The following TMEM132B variants were observed in gnomAD, a reference collection of about 807,000 sequenced individuals.
TMEM132B encodes the protein transmembrane protein 132B.
A neutral mutation model predicts 90.8 loss-of-function variants in TMEM132B; 18 were observed. The ratio of observed to expected loss-of-function variants is 0.20; its 90% CI spans 0.14 to 0.29. The LOEUF (loss-of-function observed/expected upper bound fraction) is 0.29, where lower values mean the gene tolerates loss of function less well. TMEM132B is among the 10% of genes least tolerant of loss of function. The pLI, the probability that TMEM132B is intolerant of heterozygous loss-of-function variation, is 1.00. For missense variants in TMEM132B, 1,096 were observed against 1,326.8 expected (o/e 0.83, Z 2.70); for synonymous variants, 504 against 523.3 (o/e 0.96, Z 0.50).
At chr12:125,597,605 G>T (rs1157336433) in intron 5 of TMEM132B, among the ~76,000 whole-genome samples, 1 of 152,102 alleles carries the variant, frequency 6.6e-6, no homozygotes, top group African/African-American at 2.4e-5. Context: ...ATTCATGAGT[G>T]ATTTTTTCAT....
chr12:125,598,753 C>T (rs1287639949), intron 5 of TMEM132B, among the ~76,000 whole-genome samples: 2 of 152,110 alleles, frequency 1.3e-5, no homozygotes, highest in African/African-American at 4.8e-5. Flanking sequence ...GAGCATTGCG[C>T]CTCAGAGTCT....
chr12:125,269,775 C>G (rs1016662479), intron 1 of TMEM132B, among the ~76,000 whole-genome samples: 1 of 152,108 alleles, frequency 6.6e-6, no homozygotes, highest in Non-Finnish European at 1.5e-5. Flanking sequence ...CTCTCATATA[C>G]AAGCGCAGAA....
At chr12:125,505,195 A>AAC (rs1183847146) in intron 3 of TMEM132B, among the ~76,000 whole-genome samples, 1 of 148,010 alleles carries the variant, frequency 6.8e-6, no homozygotes, top group East Asian at 1.9e-4. Context: ...AAAAAAAAAA[A>AAC]CAGTAAGTGG....
chr12:125,367,562 T>C (rs1878171557), intron 2 of TMEM132B, among the ~76,000 whole-genome samples: 1 of 152,196 alleles, frequency 6.6e-6, no homozygotes, highest in African/African-American at 2.4e-5. Flanking sequence ...TGTGGTTCCC[T>C]ACCTCCCAAT....
chr12:125,422,708 G>A (rs1880203296), intron 3 of TMEM132B, among the ~76,000 whole-genome samples: 1 of 152,178 alleles, frequency 6.6e-6, no homozygotes, highest in African/African-American at 2.4e-5. Context: ...AAACGGCCAC[G>A]TGGTGACAGA....
At chr12:125,211,390 T>C (rs1873314351) in intron 1 of TMEM132B, among the ~76,000 whole-genome samples, 1 of 152,190 alleles carries the variant, frequency 6.6e-6, no homozygotes, top group Non-Finnish European at 1.5e-5. Flanking sequence ...CTTTCTATCA[T>C]GTTATCTTCC....
At position 125,432,469 on chromosome 12, in the gene TMEM132B, ATG is replaced by A. The variant is rs1267791422; in HGVS notation, c.1106+16794_1106+16795del. 1.1e-3 allele frequency among the ~76,000 whole-genome samples: 102 copies of A among 95,408 alleles called. 15 individuals carry two copies. Among genetic ancestry groups the A allele is most frequent in the Admixed American group, 1.3e-3 (11 of 8,696 alleles). The allele number at this position is 95,408 out of a possible 152,430, so 62.6% of individuals were successfully genotyped here. ...TGTATATATATGTATGTGTATATAT[ATG>A]TATGTGTATATATATGTATGTGTAT... is the stretch of plus-strand genomic sequence containing the variant. On this transcript the variant is annotated intron_variant, in intron 3 of 8. Transcript: ENST00000682704.
At chr12:125,189,702 G>A (rs1469635883) in intron 1 of TMEM132B, among the ~76,000 whole-genome samples, 1 of 152,040 alleles carries the variant, frequency 6.6e-6, no homozygotes, top group East Asian at 1.9e-4. Flanking sequence ...AGTTGGGGAG[G>A]CGTGGGGCTT....
At chr12:125,194,266 G>GC (rs1555231219) in intron 1 of TMEM132B, among the ~76,000 whole-genome samples, 3 of 137,424 alleles carry the variant, frequency 2.2e-5, no homozygotes, top group East Asian at 2.6e-4. Context: ...GAATTAACCC[G>GC]TTGGTGGGGG....
chr12:125,444,954 C>A (rs1181079921), intron 3 of TMEM132B, among the ~76,000 whole-genome samples: 1 of 152,170 alleles, frequency 6.6e-6, no homozygotes, highest in Non-Finnish European at 1.5e-5. Context: ...GAAGGCAATT[C>A]TTTGCAACAA....
intron 1 of TMEM132B, among the ~76,000 whole-genome samples, chr12:125,270,120 G>GTGTGTGTGTGTGTA (rs1874798338): frequency 6.6e-6 from 1 of 150,620 alleles, no homozygotes; most frequent in Non-Finnish European, 1.5e-5. Flanking sequence ...TGTTGTGTGT[G>GTGTGTGTGTGTGTA]TGTGTGTGTG....
intron 4 of TMEM132B, among the ~76,000 whole-genome samples, chr12:125,566,206 C>A (rs1482798175): frequency 6.6e-6 from 1 of 152,106 alleles, no homozygotes; most frequent in Admixed American, 6.5e-5. Context: ...GTAAATGAAC[C>A]CACATAAATT....
intron 6 of TMEM132B, among the ~76,000 whole-genome samples, chr12:125,649,630 C>T (rs1325394298): frequency 6.6e-6 from 1 of 152,194 alleles, no homozygotes; most frequent in Non-Finnish European, 1.5e-5. Context: ...TATGTAAGCA[C>T]GTGGAAGAAG....
At chr12:125,575,935 T>G (rs528072013) in intron 4 of TMEM132B, among the ~76,000 whole-genome samples, 2 of 152,224 alleles carry the variant, frequency 1.3e-5, no homozygotes, top group Admixed American at 1.3e-4. Flanking sequence ...CCAACTGTTA[T>G]TTATCCAGAT....
At chr12:125,537,900 A>G (rs1312406026) in intron 4 of TMEM132B, among the ~76,000 whole-genome samples, 1 of 152,112 alleles carries the variant, frequency 6.6e-6, no homozygotes, top group African/African-American at 2.4e-5. Flanking sequence ...CAACATGGGG[A>G]TAACAGCACC....
chr12:125,209,894 C>T lies in TMEM132B; in HGVS notation c.67+23028C>T, dbSNP rs981192431. Among the ~76,000 whole-genome samples the T allele has an allele frequency of 1.3e-5, 2 of 152,184 alleles. No individual in the cohort carries two copies. The highest frequency in any genetic ancestry group is 4.8e-5 in the African/African-American group (2 of 41,440). Reference sequence around the variant, plus strand: ...ACTGTTAGATGGCCAGAGTGTCTTCCTCGCCTTGTCCTGTGAGTCTCGTAG... The same window carrying T: ...ACTGTTAGATGGCCAGAGTGTCTTCTTCGCCTTGTCCTGTGAGTCTCGTAG... On this transcript the variant is annotated intron_variant, in intron 1 of 8. Coordinates refer to ENST00000682704, the MANE Select transcript of TMEM132B (RefSeq NM_001366854.1). The surrounding 1 kb of genome is among the most constrained non-coding windows in gnomAD (Gnocchi z 4.4).
chr12:125,271,402 G>C (rs767870274), intron 1 of TMEM132B, among the ~76,000 whole-genome samples: 1 of 152,208 alleles, frequency 6.6e-6, no homozygotes, highest in Non-Finnish European at 1.5e-5. Context: ...GCAATTGTTT[G>C]ACAGTGTCTG....
chr12:125,473,683 A>G (rs545151651), intron 3 of TMEM132B, among the ~76,000 whole-genome samples: 36 of 152,314 alleles, frequency 2.4e-4, no homozygotes, highest in Non-Finnish European at 3.8e-4. Context: ...TCCACAAGTA[A>G]TCTGGGAGGA....
At chr12:125,189,437 G>T (rs1013866998) in intron 1 of TMEM132B, among the ~76,000 whole-genome samples, 1 of 152,158 alleles carries the variant, frequency 6.6e-6, no homozygotes, top group Non-Finnish European at 1.5e-5. Flanking sequence ...TGAGTGGCAG[G>T]GGGGAGCTTT....
Sources: gnomAD v4.1 joint callset for allele counts (sites outside exome capture counted in the v4.1 genomes callset) on GRCh38, gnomAD v4.1.1 for gene constraint, Gnocchi (gnomAD v3.1) non-coding constraint, MANE v1.5 for transcripts, NCBI Gene and HGNC (gene_info 2026-07-23, HGNC 2026-07-21) for gene names.